Variants in PECAM1 observed in about 807,000 individuals in gnomAD.
PECAM1 encodes platelet endothelial cell adhesion molecule.
In PECAM1, 8 loss-of-function variants were observed where a neutral mutation model predicts 13.8. The ratio of observed to expected loss-of-function variants is 0.58; its 90% CI spans 0.34 to 1.05. The LOEUF is 1.05. Among genes scored for constraint, PECAM1 ranks in the 50% least tolerant of loss-of-function variants. The probability of loss-of-function intolerance (pLI) is 0.03; values close to 1 mark genes in which losing one functional copy is unlikely to be tolerated. For missense variants in PECAM1, 304 were observed against 141.2 expected (o/e 2.15, Z -5.84); for synonymous variants, 136 against 52.6 (o/e 2.58, Z -6.86).
At chr17:64,352,590 A>G (rs1161977227) in intron 10 of PECAM1, 127 bp from the exon 11 acceptor site, 2 of 393,052 alleles carry the variant, frequency 5.1e-6, no homozygotes, top group African/African-American at 4.1e-5. Flanking sequence ...TTTCCAAGGT[A>G]AGGAAAACTT....
chr17:64,353,943 T>A (rs1185188178), intron 9 of PECAM1, among the ~76,000 whole-genome samples: 1 of 146,348 alleles, frequency 6.8e-6, no homozygotes, highest in South Asian at 2.1e-4. Context: ...TCTCTCTCTT[T>A]TTTTTTTTTT....
chr17:64,387,852 G>C (rs1001828131), intron 2 of PECAM1, among the ~76,000 whole-genome samples: 12 of 152,148 alleles, frequency 7.9e-5, no homozygotes, highest in African/African-American at 2.9e-4. Context: ...GAAGGGAAAG[G>C]GCCGAGGCTG....
chr17:64,340,823 C>A (rs936216020), intron 14 of PECAM1, among the ~76,000 whole-genome samples: 1 of 152,108 alleles, frequency 6.6e-6, no homozygotes, highest in South Asian at 2.1e-4. Flanking sequence ...AGCTGCTGGG[C>A]GCGGTGGCTC....
intron 4 of PECAM1, among the ~76,000 whole-genome samples, chr17:64,373,421 A>C (rs1037265302): frequency 6.6e-6 from 1 of 151,954 alleles, no homozygotes; most frequent in African/African-American, 2.4e-5. Context: ...ATAGATCTAT[A>C]TTTCTTCATA....
intron 5 of PECAM1, among the ~76,000 whole-genome samples, chr17:64,369,542 C>T (rs1444914098): frequency 2.6e-5 from 4 of 152,146 alleles, no homozygotes; most frequent in African/African-American, 7.2e-5. Flanking sequence ...GCTTTGGTGC[C>T]GGAGCCTGTA....
In PECAM1 at chr17:64,353,334, C is replaced by G. The variant is rs1313846897; in HGVS notation, c.1916+157G>C. On this transcript the variant is annotated intron_variant, in intron 10 of 15. Transcript: ENST00000563924. ...ACACACACACACACACACACACACA[C>G]ACACACAACTCACACACACAACTCA... Among the ~76,000 whole-genome samples the G allele has an allele frequency of 7.1e-5, 9 of 127,540 alleles. No individual in the cohort carries two copies. The East Asian group carries it at 2.4e-3, about 34-fold the overall frequency. 83.7% of individuals were successfully genotyped at this position (127,540 alleles called of 152,430 possible).
chr17:64,324,282 A>G (rs782250432), intron 15 of PECAM1, among the ~76,000 whole-genome samples: 18 of 152,186 alleles, frequency 1.2e-4, no homozygotes, highest in Non-Finnish European at 2.2e-4. Flanking sequence ...TTTAGCAAGC[A>G]ATTTTTTTTA....
At chr17:64,385,555 C>A (rs1438595986) in intron 2 of PECAM1, among the ~76,000 whole-genome samples, 1 of 38,862 alleles carries the variant, frequency 2.6e-5, no homozygotes, top group Non-Finnish European at 5.4e-5. Context: ...TCTCCAAGTT[C>A]AGTTCAAGTT....
chr17:64,358,635 C>T (rs1183168616), intron 7 of PECAM1, among the ~76,000 whole-genome samples: 2 of 152,158 alleles, frequency 1.3e-5, no homozygotes, highest in African/African-American at 4.8e-5. Flanking sequence ...GACAACCAAA[C>T]ATGACCCCTA....
chr17:64,324,237 G>A (rs1205845211), intron 15 of PECAM1, among the ~76,000 whole-genome samples: 3 of 152,160 alleles, frequency 2.0e-5, no homozygotes, highest in Non-Finnish European at 2.9e-5. Context: ...TCAAGACATT[G>A]TCAGGAACGT....
chr17:64,364,118 G>A (rs1024022111), intron 5 of PECAM1, among the ~76,000 whole-genome samples: 7 of 151,982 alleles, frequency 4.6e-5, no homozygotes, highest in Non-Finnish European at 8.8e-5. Context: ...TCAAATACAC[G>A]CAATAAAAAA....
At chr17:64,350,652 T>TC (rs1241188326) in intron 11 of PECAM1, among the ~76,000 whole-genome samples, 1 of 150,814 alleles carries the variant, frequency 6.6e-6, no homozygotes, top group East Asian at 1.9e-4. Context: ...TCTTTTTTTT[T>TC]TTTTTTTGAG....
chr17:64,348,722 G>A (rs2035642981), intron 12 of PECAM1, among the ~76,000 whole-genome samples: 1 of 152,164 alleles, frequency 6.6e-6, no homozygotes, highest in Non-Finnish European at 1.5e-5. Flanking sequence ...ACAGGCATAA[G>A]CCACTGCCCC....
At chr17:64,367,843 A>G (rs981298070) in intron 5 of PECAM1, among the ~76,000 whole-genome samples, 2 of 152,220 alleles carry the variant, frequency 1.3e-5, no homozygotes, top group African/African-American at 2.4e-5. Context: ...AAATTGTATC[A>G]GTAAAAAAAT....
At chr17:64,354,626 A>G (rs1277156425) in intron 9 of PECAM1, among the ~76,000 whole-genome samples, 1 of 152,186 alleles carries the variant, frequency 6.6e-6, no homozygotes, top group Non-Finnish European at 1.5e-5. Context: ...GGTTAATTAC[A>G]AAGCATTCAA....
chr17:64,328,032 T>A (rs2035004854), intron 15 of PECAM1, among the ~76,000 whole-genome samples: 1 of 152,212 alleles, frequency 6.6e-6, no homozygotes, highest in Non-Finnish European at 1.5e-5. Context: ...TGTGCTCCCA[T>A]CAAATGACTC....
At chr17:64,343,996 T>A (rs2035500139) in intron 13 of PECAM1, among the ~76,000 whole-genome samples, 1 of 152,144 alleles carries the variant, frequency 6.6e-6, no homozygotes, top group African/African-American at 2.4e-5. Flanking sequence ...TGGTCCCAGC[T>A]TTCAGGAGCT....
chr17:64,329,753 C>G (rs1555646307), intron 14 of PECAM1, 31 bp from the exon 15 acceptor site: 2 of 762,826 alleles, frequency 2.6e-6, no homozygotes, highest in Non-Finnish European at 4.9e-6. Context: ...TGGCAGTGAG[C>G]AACGCAAATA....
intron 10 of PECAM1, 50 bp downstream of exon 10, chr17:64,353,441 T>C: frequency 2.2e-6 from 1 of 453,576 alleles, no homozygotes; most frequent in Admixed American, 3.5e-5. Context: ...CCTCCAGACA[T>C]GTCCACCGTG....
Sources: gnomAD v4.1 joint callset for allele counts (sites outside exome capture counted in the v4.1 genomes callset) on GRCh38, gnomAD v4.1.1 for gene constraint, MANE v1.5 for transcripts, NCBI Gene and HGNC (gene_info 2026-07-23, HGNC 2026-07-21) for gene names.